The following PPP2R1B variants were observed in gnomAD, a reference collection of about 807,000 sequenced individuals.
PPP2R1B encodes protein phosphatase 2 scaffold subunit Abeta.
A neutral mutation model predicts 72.7 loss-of-function variants in PPP2R1B; 58 were observed. The ratio of observed to expected loss-of-function variants is 0.80; its 90% CI spans 0.65 to 0.99. The LOEUF is 0.99. Ranked by LOEUF, PPP2R1B falls within the 50% of genes least tolerant of loss-of-function variation. PPP2R1B has a pLI of 0.00. For synonymous variants in PPP2R1B, 256 were observed against 264.6 expected, an observed-to-expected ratio of 0.97 and a Z score of 0.32; for missense variants, 695 against 733.6, an observed-to-expected ratio of 0.95 and a Z score of 0.61.
the PPP2R1B span, among the ~76,000 whole-genome samples, chr11:111,703,734 G>A: frequency 3.3e-5 from 5 of 152,262 alleles, no homozygotes; most frequent in South Asian, 1.0e-3. Flanking sequence ...GTTTTACATA[G>A]GTATTTAACT....
At chr11:111,698,176 C>T in the PPP2R1B span, among the ~76,000 whole-genome samples, 1 of 152,164 alleles carries the variant, frequency 6.6e-6, no homozygotes, top group African/African-American at 2.4e-5. Context: ...ATAGAAATAA[C>T]TGCTTAGTAC....
At chr11:111,762,589 TC>T (rs1184278479) in intron 3 of PPP2R1B, among the ~76,000 whole-genome samples, 1 of 148,998 alleles carries the variant, frequency 6.7e-6, no homozygotes, top group Non-Finnish European at 1.5e-5. Flanking sequence ...AGGGTCTTGC[TC>T]TGTTGCCCAG....
intron 12 of PPP2R1B, 136 bp from the exon 13 acceptor site, chr11:111,742,801 A>AC (rs1298859924): frequency 1.4e-6 from 1 of 721,064 alleles, no homozygotes; most frequent in Non-Finnish European, 2.1e-6. Flanking sequence ...AGTGGGGGAC[A>AC]CAAGAATCAT....
the PPP2R1B span, among the ~76,000 whole-genome samples, chr11:111,704,323 A>T: frequency 3.9e-5 from 6 of 152,252 alleles, no homozygotes; most frequent in Non-Finnish European, 5.9e-5. Flanking sequence ...AGGTGGAATT[A>T]GAACCCAAAG....
chr11:111,741,724 A>C, intron 14 of PPP2R1B, 112 bp from the exon 15 acceptor site: 1 of 1,176,560 alleles, frequency 8.5e-7, no homozygotes, highest in Non-Finnish European at 1.2e-6. Context: ...ACAACTTCTC[A>C]CTGTGGTTAC....
the PPP2R1B span, among the ~76,000 whole-genome samples, chr11:111,693,941 G>A: frequency 1.3e-5 from 2 of 152,190 alleles, no homozygotes; most frequent in African/African-American, 4.8e-5. Context: ...TTGTGACCTT[G>A]ACCACGTTTC....
downstream of PPP2R1B, among the ~76,000 whole-genome samples, chr11:111,733,290 C>T (rs1944247780): frequency 6.6e-6 from 1 of 152,092 alleles, no homozygotes; most frequent in Admixed American, 6.5e-5. Context: ...CCAGGGAAAG[C>T]ATGAGCTGGG....
At chr11:111,734,386 C>T (rs938413406), downstream of PPP2R1B, among the ~76,000 whole-genome samples, 4 of 152,236 alleles carry the variant, frequency 2.6e-5, no homozygotes, top group Middle Eastern at 3.2e-3. Context: ...AACATAAGAA[C>T]ATCCCTGAGA....
At chr11:111,705,104 C>T in the PPP2R1B span, 2 of 1,591,980 alleles carry the variant, frequency 1.3e-6, no homozygotes, top group Non-Finnish European at 1.7e-6. This position sits in a 1 kb window ranked among gnomAD's most constrained non-coding sequence, Gnocchi z 4.3. Context: ...CCGCCAGCGT[C>T]GGCCTAGCAC....
At chr11:111,765,972 G>A (rs782278634) in intron 1 of PPP2R1B, 13 of 569,864 alleles carry the variant, frequency 2.3e-5, no homozygotes, top group Non-Finnish European at 4.0e-5. Flanking sequence ...GGGGCGCCCA[G>A]GCGGGAAGCG....
rs1051587502 is a variant in PPP2R1B, at chr11:111,752,319, C to T, written c.1178G>A (p.Arg393His). Residue 393 changes from arginine (R) to histidine (H), a missense_variant, in exon 10 of 15, where the codon CGT becomes CAT. Arg to His is a conservative substitution (Grantham distance 29). Transcript: ENST00000527614. Reference sequence around the variant, plus strand: ...ATCCAAATTGGAGATGATATTCAAACGAACGTCAGGACACTGCAAGTACAC... The same window carrying T: ...ATCCAAATTGGAGATGATATTCAAATGAACGTCAGGACACTGCAAGTACAC... ...AQLKDECPDV[R>H]LNIISNLDCV... is the part of the protein sequence containing the mutation. 6.8e-6 allele frequency: 11 copies of T among 1,610,942 alleles called. No homozygotes were observed. Among genetic ancestry groups the T allele is most frequent in the Middle Eastern group, 1.6e-4 (1 of 6,066 alleles).
intron 15 of PPP2R1B, chr11:111,728,221 GAAGCTCGT>G (rs1944039740): frequency 6.6e-6 from 1 of 152,168 alleles, no homozygotes; most frequent in African/African-American, 2.4e-5. Context: ...GGAGAACAGG[GAAGCTCGT>G]AAGTTGGAGT....
chr11:111,755,294 C>T lies in PPP2R1B; in HGVS notation c.843+1G>A. The T allele has an allele frequency of 2.5e-6, 4 of 1,603,154 alleles. No homozygotes were observed. Among genetic ancestry groups the T allele is most frequent in the Non-Finnish European group, 3.4e-6 (4 of 1,176,732 alleles). ...TTAGTACTTAAAAATGATCACTTTA[C>T]CTCTGAAAATCTGTCAGCCACCATA... On this transcript the variant is annotated splice_donor_variant, in intron 6 of 14. Coordinates refer to ENST00000527614, the MANE Select transcript of PPP2R1B (RefSeq NM_002716.5). LOFTEE classifies it high-confidence loss of function.
At chr11:111,736,455 C>CG (rs1944343497), downstream of PPP2R1B, among the ~76,000 whole-genome samples, 1 of 152,202 alleles carries the variant, frequency 6.6e-6, no homozygotes, top group Non-Finnish European at 1.5e-5. Context: ...CTCCTTCAGC[C>CG]AAGCTCTCCT....
intron 3 of PPP2R1B, among the ~76,000 whole-genome samples, chr11:111,763,719 G>A (rs1945413453): frequency 6.6e-6 from 1 of 152,242 alleles, no homozygotes; most frequent in South Asian, 2.1e-4. Context: ...TACTGAAGTG[G>A]AACAACTAAA....
At chr11:111,698,240 G>A in the PPP2R1B span, among the ~76,000 whole-genome samples, 5 of 152,196 alleles carry the variant, frequency 3.3e-5, no homozygotes, top group African/African-American at 1.2e-4. Context: ...TTGTAAAGCA[G>A]AGGTTGAAAC....
At chr11:111,743,985 A>C (rs143185841) in intron 11 of PPP2R1B, among the ~76,000 whole-genome samples, 1 of 152,344 alleles carries the variant, frequency 6.6e-6, no homozygotes, top group Non-Finnish European at 1.5e-5. Flanking sequence ...TTCGGCACAG[A>C]AAGAAGCCTT....
the PPP2R1B span, among the ~76,000 whole-genome samples, chr11:111,715,116 G>A: frequency 6.6e-6 from 1 of 152,212 alleles, no homozygotes; most frequent in Admixed American, 6.5e-5. Context: ...GGAGCTAGAT[G>A]GTATATTTGC....
intron 4 of PPP2R1B, 93 bp from the exon 5 acceptor site, chr11:111,760,044 T>G: frequency 7.6e-7 from 1 of 1,321,420 alleles, no homozygotes; most frequent in East Asian, 2.5e-5. Flanking sequence ...AGGTTTTATC[T>G]TACAATAATC....
Sources: gnomAD v4.1 joint callset for allele counts (sites outside exome capture counted in the v4.1 genomes callset) on GRCh38, gnomAD v4.1.1 for gene constraint, Gnocchi (gnomAD v3.1) non-coding constraint, MANE v1.5 for transcripts, NCBI Gene and HGNC (gene_info 2026-07-23, HGNC 2026-07-21) for gene names.